Variants in PARD3B observed in about 807,000 individuals in gnomAD.
PARD3B encodes par-3 family cell polarity regulator beta.
Under a neutral mutation model 130.2 loss-of-function variants are expected in PARD3B, and 103 were observed. The observed-to-expected ratio is 0.79, with a 90% CI of 0.67 to 0.93. The LOEUF is 0.93. PARD3B is among the 40% of genes least tolerant of loss of function. The pLI is 0.00. For missense variants in PARD3B, 1,609 were observed against 1,499.2 expected, an observed-to-expected ratio of 1.07 and a Z score of -1.21; for synonymous variants, 583 against 553.2, an observed-to-expected ratio of 1.05 and a Z score of -0.76.
intron 2 of PARD3B, among the ~76,000 whole-genome samples, chr2:204,879,403 G>A (rs568463183): frequency 6.6e-6 from 1 of 152,210 alleles, no homozygotes; most frequent in Non-Finnish European, 1.5e-5. Context: ...TATCAACTGA[G>A]CCAGGTCATA....
Position 205,562,130 on chromosome 2 carries a change from T to C in PARD3B, c.3260+8727T>C, listed in dbSNP as rs3732090. On this transcript the variant is annotated intron_variant, in intron 22 of 22. Transcript: ENST00000406610. The surrounding 1 kb of genome is among the most constrained non-coding windows in gnomAD (Gnocchi z 5.4). ...ACTTTAAGATGCCAAACAGCTGAGA[T>C]CAGGGGGTTAATGCTACTGCCACCT... Among the ~76,000 whole-genome samples, 1 of 152,022 alleles carries C rather than the reference T, an allele frequency of 6.6e-6. No homozygotes were observed.
At position 204,678,480 on chromosome 2, in the gene PARD3B, T is replaced by G. The variant is rs571358698; in HGVS notation, c.121-7701T>G. Among the ~76,000 whole-genome samples the G allele has an allele frequency of 4.6e-5, 7 of 152,208 alleles. No homozygotes were observed. The South Asian group carries it at 1.2e-3, about 27-fold the overall frequency. On this transcript the variant is annotated intron_variant, in intron 1 of 22. Transcript: ENST00000406610. The surrounding 1 kb of genome is among the most constrained non-coding windows in gnomAD (Gnocchi z 4.2). ...AAGGATGTTGAATGCAGAGGTTTTA[T>G]TGACTGATGGAGGTGGCTGTCAGTG...
intron 21 of PARD3B, among the ~76,000 whole-genome samples, chr2:205,517,991 T>C (rs1417856688): frequency 2.0e-5 from 3 of 152,190 alleles, no homozygotes; most frequent in African/African-American, 7.2e-5. Flanking sequence ...TGAGGATTGA[T>C]TCATATCCCA....
At chr2:205,420,546 G>A (rs2046933129) in intron 19 of PARD3B, among the ~76,000 whole-genome samples, 1 of 152,120 alleles carries the variant, frequency 6.6e-6, no homozygotes, top group African/African-American at 2.4e-5. Flanking sequence ...ACACCTGCAG[G>A]TCTACTCTGA....
chr2:204,955,991 A>G (rs1690204247), intron 2 of PARD3B, among the ~76,000 whole-genome samples: 1 of 152,162 alleles, frequency 6.6e-6, no homozygotes, highest in African/African-American at 2.4e-5. Context: ...CTGGGCCAAG[A>G]CCACACCCAG....
At chr2:204,642,941 G>A (rs952921561) in intron 1 of PARD3B, among the ~76,000 whole-genome samples, 2 of 150,828 alleles carry the variant, frequency 1.3e-5, no homozygotes, top group East Asian at 2.0e-4. Flanking sequence ...GTGAAATCCC[G>A]TCTCTACTAA....
intron 15 of PARD3B, among the ~76,000 whole-genome samples, chr2:205,208,366 C>G (rs1439484317): frequency 8.0e-6 from 1 of 125,268 alleles, no homozygotes; most frequent in East Asian, 2.1e-4. Flanking sequence ...AAGTTCTGGC[C>G]AGGGCAATCA....
chr2:204,910,687 T>C (rs1429382572), intron 2 of PARD3B, among the ~76,000 whole-genome samples: 1 of 152,226 alleles, frequency 6.6e-6, no homozygotes, highest in Non-Finnish European at 1.5e-5. Flanking sequence ...TAGCCTAGGC[T>C]GGAGTGCAGC....
In PARD3B at chr2:205,158,572, AC is replaced by A. The variant is rs1576003174; in HGVS notation, c.1435-147del. ...ACTGTGGCTCCTTGTGGAGAGCTAAACCCAGCCTTTGCCTGCCAGGAGCCGA... is the reference window on the plus strand; with the variant it reads ...ACTGTGGCTCCTTGTGGAGAGCTAAACCAGCCTTTGCCTGCCAGGAGCCGA... On this transcript the variant is annotated intron_variant, in intron 10 of 22. Coordinates refer to ENST00000406610, the MANE Select transcript of PARD3B (RefSeq NM_001302769.2). This position sits in a 1 kb window ranked among gnomAD's most constrained non-coding sequence, Gnocchi z 5.4. 15 of 753,106 alleles carry A rather than the reference AC, an allele frequency of 2.0e-5. No individual in the cohort carries two copies. Among genetic ancestry groups the A allele is most frequent in the Middle Eastern group, 3.9e-4 (1 of 2,576 alleles). The allele number at this position is 753,106 out of a possible 1,614,324, so 46.7% of individuals were successfully genotyped here.
intron 15 of PARD3B, among the ~76,000 whole-genome samples, chr2:205,205,865 T>G (rs928021792): frequency 2.6e-5 from 4 of 152,168 alleles, no homozygotes; most frequent in African/African-American, 9.7e-5. Context: ...TTATTGAGGA[T>G]TTTTGCATCG....
chr2:204,772,451 G>A (rs1387736249), intron 2 of PARD3B, among the ~76,000 whole-genome samples: 1 of 152,046 alleles, frequency 6.6e-6, no homozygotes, highest in East Asian at 1.9e-4. Context: ...ATCCTGAACT[G>A]TAATTAACTA....
intron 22 of PARD3B, among the ~76,000 whole-genome samples, chr2:205,560,476 C>CTTGTT (rs2106519265): frequency 8.4e-5 from 1 of 11,924 alleles, no homozygotes; most frequent in African/African-American, 9.6e-5. Context: ...AAAAGAGAAT[C>CTTGTT]CTGTTAGAAC....
intron 10 of PARD3B, among the ~76,000 whole-genome samples, chr2:205,155,631 C>T (rs1028880754): frequency 8.5e-5 from 13 of 152,180 alleles, no homozygotes; most frequent in African/African-American, 3.1e-4. Flanking sequence ...TGTCACCTTC[C>T]ACAATGGTTG....
chr2:204,792,270 T>G (rs924579398), intron 2 of PARD3B, among the ~76,000 whole-genome samples: 2 of 152,182 alleles, frequency 1.3e-5, no homozygotes, highest in South Asian at 4.1e-4. Flanking sequence ...AGCACAAATA[T>G]CAGAACATAT....
intron 11 of PARD3B, among the ~76,000 whole-genome samples, chr2:205,165,060 T>A (rs1359127771): frequency 1.3e-5 from 2 of 152,044 alleles, no homozygotes; most frequent in East Asian, 3.9e-4. Flanking sequence ...AAGATAAGTA[T>A]GTTGAAATGG....
In PARD3B at chr2:204,738,115, T is replaced by A. The variant is rs551524401; in HGVS notation, c.222+51833T>A. On this transcript the variant is annotated intron_variant, in intron 2 of 22. Coordinates refer to ENST00000406610, the MANE Select transcript of PARD3B (RefSeq NM_001302769.2). ...TTTTTTCTAATTCTGTGAAAAATGA[T>A]GTTGGTATTTTGATGGAAATTGCAT... Among the ~76,000 whole-genome samples, 46 of 152,250 alleles carry A rather than the reference T, an allele frequency of 3.0e-4. 2 individuals carry two copies. The highest frequency in any genetic ancestry group is 1.1e-3 in the African/African-American group (45 of 41,560).
intron 18 of PARD3B, among the ~76,000 whole-genome samples, chr2:205,384,805 A>C (rs1350678240): frequency 6.6e-6 from 1 of 152,154 alleles, no homozygotes; most frequent in South Asian, 2.1e-4. Context: ...ATCACAGTTC[A>C]AAAGTGTAAA....
At chr2:204,888,659 A>T (rs986494091) in intron 2 of PARD3B, among the ~76,000 whole-genome samples, 14 of 148,206 alleles carry the variant, frequency 9.4e-5, no homozygotes, top group African/African-American at 3.3e-4. Context: ...TGAACCTGGG[A>T]GGTCAAGGCT....
chr2:204,790,921 A>C (rs538901553), intron 2 of PARD3B, among the ~76,000 whole-genome samples: 1 of 152,130 alleles, frequency 6.6e-6, no homozygotes, highest in African/African-American at 2.4e-5. Flanking sequence ...CCGGGCCAAC[A>C]TGGTGAAACC....
Sources: gnomAD v4.1 joint callset for allele counts (sites outside exome capture counted in the v4.1 genomes callset) on GRCh38, gnomAD v4.1.1 for gene constraint, Gnocchi (gnomAD v3.1) non-coding constraint, MANE v1.5 for transcripts, NCBI Gene and HGNC (gene_info 2026-07-23, HGNC 2026-07-21) for gene names.